Variants in AGBL1 observed in about 807,000 individuals in gnomAD.
AGBL1 encodes the protein AGBL carboxypeptidase 1.
AGBL1 carries 130 observed loss-of-function variants against 118.9 expected under a neutral mutation model. The observed-to-expected ratio is 1.09, with a 90% confidence interval of 0.95 to 1.26. The LOEUF is 1.26. Ranked by LOEUF, AGBL1 falls within the 50% of genes most tolerant of loss-of-function variation. The pLI, the probability that AGBL1 is intolerant of heterozygous loss-of-function variation, is 0.00. For synonymous variants in AGBL1, 555 were observed against 478.9 expected (o/e 1.16, Z -2.08); for missense variants, 1,584 against 1,298.1 (o/e 1.22, Z -3.38).
At chr15:86,755,878 C>G (rs1381980297) in intron 22 of AGBL1, among the ~76,000 whole-genome samples, 1 of 152,074 alleles carries the variant, frequency 6.6e-6, no homozygotes, top group African/African-American at 2.4e-5. Context: ...GGAGACTCTA[C>G]CAGGGCAATC....
chr15:86,829,122 C>T (rs537777374), intron 22 of AGBL1, among the ~76,000 whole-genome samples: 1 of 151,864 alleles, frequency 6.6e-6, no homozygotes, highest in South Asian at 2.1e-4. Context: ...TCAACAGAGC[C>T]TCGTGGGGTG....
chr15:86,636,089 C>T (rs1027757315), intron 21 of AGBL1, among the ~76,000 whole-genome samples: 4 of 152,126 alleles, frequency 2.6e-5, no homozygotes, highest in Admixed American at 6.6e-5. Context: ...TCAAAATGTC[C>T]AGGAACACTG....
At chr15:86,101,368 T>G (rs1215096982) in intron 1 of AGBL1, among the ~76,000 whole-genome samples, 4 of 150,784 alleles carry the variant, frequency 2.7e-5, no homozygotes, top group Admixed American at 6.6e-5. Context: ...TGTCTGTTAG[T>G]TCTAATTTGG....
chr15:86,482,287 T>C (rs11636757), intron 18 of AGBL1, among the ~76,000 whole-genome samples: 55,549 of 151,996 alleles, frequency 0.37, 11,625 homozygotes, highest in Middle Eastern at 0.52. Context: ...AGATCCCAGC[T>C]GAAGGGAGCT....
intron 17 of AGBL1, among the ~76,000 whole-genome samples, chr15:86,392,362 C>T (rs964848643): frequency 1.4e-4 from 21 of 152,180 alleles, no homozygotes; most frequent in Non-Finnish European, 2.8e-4. Flanking sequence ...CAGTTGTTTG[C>T]GTTAGTATAA....
chr15:86,325,940 C>G (rs572324104), intron 17 of AGBL1, among the ~76,000 whole-genome samples: 1 of 152,290 alleles, frequency 6.6e-6, no homozygotes, highest in South Asian at 2.1e-4. Context: ...TCAGAAAATT[C>G]CAAGCCTTCC....
chr15:86,595,364 C>T (rs1266722018), intron 21 of AGBL1, among the ~76,000 whole-genome samples: 2 of 152,162 alleles, frequency 1.3e-5, no homozygotes, highest in Non-Finnish European at 2.9e-5. Context: ...CTTATAAATT[C>T]TCCAAAACCT....
intron 21 of AGBL1, chr15:86,556,375 G>T: frequency 8.4e-7 from 1 of 1,192,820 alleles, no homozygotes; most frequent in East Asian, 2.4e-5. Flanking sequence ...ACTGGCTAGA[G>T]AAAGCCCTAA....
chr15:86,362,642 C>G (rs2080822126), intron 17 of AGBL1, among the ~76,000 whole-genome samples: 1 of 152,114 alleles, frequency 6.6e-6, no homozygotes, highest in Non-Finnish European at 1.5e-5. Context: ...GCTTAAGTCT[C>G]CATAGCTGAG....
intron 21 of AGBL1, chr15:86,556,075 C>T (rs1836963508): frequency 1.7e-6 from 1 of 591,576 alleles, no homozygotes; most frequent in African/African-American, 1.9e-5. Context: ...GTTTGTTTCT[C>T]CAAGCACCAA....
intron 18 of AGBL1, among the ~76,000 whole-genome samples, chr15:86,398,418 C>A (rs1236265941): frequency 1.3e-5 from 2 of 151,874 alleles, no homozygotes. Context: ...CATTCTATCC[C>A]ATGAGAAAAA....
rs185039563 is a variant in AGBL1, at chr15:86,890,290, A to G, written c.3159-16797A>G. Among the ~76,000 whole-genome samples, 333 of 152,090 alleles carry G rather than the reference A, an allele frequency of 2.2e-3. 3 individuals carry two copies. Among genetic ancestry groups the G allele is most frequent in the African/African-American group, 7.6e-3 (316 of 41,514 alleles). On this transcript the variant is annotated intron_variant, in intron 22 of 22. Transcript: ENST00000614907. ...GTTCCTTGTAGACTCTGTGTATTAG[A>G]CATTTGTCAGATGGATAGATTGCAA... is the stretch of plus-strand genomic sequence containing the variant.
At chr15:86,423,052 A>G (rs1465731561) in intron 18 of AGBL1, among the ~76,000 whole-genome samples, 2 of 152,178 alleles carry the variant, frequency 1.3e-5, no homozygotes, top group African/African-American at 4.8e-5. Flanking sequence ...ATCTCAAACA[A>G]TAGAAAAAGA....
intron 1 of AGBL1, among the ~76,000 whole-genome samples, chr15:86,084,336 A>G (rs144543656): frequency 4.3e-4 from 66 of 152,314 alleles, no homozygotes; most frequent in Admixed American, 1.4e-3. Flanking sequence ...AGATTGGAGA[A>G]AATGAACAAT....
At chr15:86,811,589 G>A (rs1211564317) in intron 22 of AGBL1, among the ~76,000 whole-genome samples, 1 of 152,134 alleles carries the variant, frequency 6.6e-6, no homozygotes, top group African/African-American at 2.4e-5. Flanking sequence ...TTTCATTGCA[G>A]TTGAATATTT....
rs1000440120 is a variant in AGBL1 at position 86,989,459 on chromosome 15, T to A, written c.3323+1371T>A. 3.9e-5 allele frequency among the ~76,000 whole-genome samples: 6 copies of A among 152,350 alleles called. No homozygotes were observed. The East Asian group carries it at 9.6e-4, about 24-fold the overall frequency. On this transcript the variant is annotated intron_variant, in intron 24 of 24. Coordinates refer to the AGBL1 transcript ENST00000441037. ...TAAATAATTGCTAAATTTTTTCAAC[T>A]GCTTTTTTCCCCTTCTCTTGAAGAG... is the stretch of plus-strand genomic sequence containing the variant.
chr15:86,413,485 A>T (rs2081649328), intron 18 of AGBL1, among the ~76,000 whole-genome samples: 1 of 152,188 alleles, frequency 6.6e-6, no homozygotes. Context: ...TTACATTCCT[A>T]TCAACAGTCT....
At chr15:86,189,715 A>G (rs747204660) in intron 5 of AGBL1, among the ~76,000 whole-genome samples, 1 of 152,184 alleles carries the variant, frequency 6.6e-6, no homozygotes, top group Non-Finnish European at 1.5e-5. Context: ...GGAAGCCCTC[A>G]CCAGAAGCAG....
intron 21 of AGBL1, among the ~76,000 whole-genome samples, chr15:86,604,069 G>A (rs979668468): frequency 4.0e-5 from 6 of 150,816 alleles, no homozygotes; most frequent in Non-Finnish European, 7.4e-5. Context: ...TCATCATATC[G>A]ACCATCCACC....
Sources: gnomAD v4.1 joint callset for allele counts (sites outside exome capture counted in the v4.1 genomes callset) on GRCh38, gnomAD v4.1.1 for gene constraint, MANE v1.5 for transcripts, NCBI Gene and HGNC (gene_info 2026-07-23, HGNC 2026-07-21) for gene names.